Variants in ZNF383 observed in about 807,000 individuals in gnomAD.
ZNF383 encodes zinc finger protein 383.
In ZNF383, 32 loss-of-function variants were observed where a neutral mutation model predicts 44.2. The ratio of observed to expected loss-of-function variants is 0.72; its 90% CI spans 0.55 to 0.97. ZNF383 has a LOEUF of 0.97. ZNF383 is among the 50% of genes least tolerant of loss of function. The probability of loss-of-function intolerance (pLI) is 0.00; values close to 1 mark genes in which losing one functional copy is unlikely to be tolerated. For synonymous variants in ZNF383, 155 were observed against 186.2 expected, an observed-to-expected ratio of 0.83 and a Z score of 1.36; for missense variants, 487 against 562.5, an observed-to-expected ratio of 0.87 and a Z score of 1.36.
At chr19:37,228,967 T>C (rs1364669084) in intron 2 of ZNF383, among the ~76,000 whole-genome samples, 1 of 152,124 alleles carries the variant, frequency 6.6e-6, no homozygotes. Flanking sequence ...TTCAACTGAC[T>C]GATAGCTGTT....
chr19:37,221,966 A>AG (rs1200791412), intron 1 of ZNF383, among the ~76,000 whole-genome samples: 2 of 151,244 alleles, frequency 1.3e-5, no homozygotes, highest in Non-Finnish European at 2.9e-5. Flanking sequence ...AAAAAAAAAA[A>AG]AAAAAAAGAA....
intron 1 of ZNF383, among the ~76,000 whole-genome samples, chr19:37,218,817 A>G (rs1194331383): frequency 6.6e-6 from 1 of 151,896 alleles, no homozygotes; most frequent in Non-Finnish European, 1.5e-5. Context: ...TGCCGGGGTG[A>G]TATGTGTGTC....
At chr19:37,236,241 C>T (rs1462428964) in intron 5 of ZNF383, among the ~76,000 whole-genome samples, 167 bp downstream of exon 5, 2 of 151,854 alleles carry the variant, frequency 1.3e-5, no homozygotes, top group East Asian at 3.9e-4. Flanking sequence ...ACCTGTTTCG[C>T]CCTTTTCCTC....
In ZNF383 at chr19:37,242,746, TG is replaced by T; in HGVS notation, c.511del (p.Glu171AsnfsTer47). ...TAATTAATAATGAAGACAGACCCTA[TG>T]AATGTAAGAAATGTGGAAAGGCCTT... The part of the protein sequence containing the change: ...QIINNEDRPY[E>X]CKKCGKAFSQ... On this transcript the variant is annotated frameshift_variant, in exon 6 of 6. Coordinates refer to ENST00000684119, the MANE Select transcript of ZNF383 (RefSeq NM_001387601.1). LOFTEE classifies it high-confidence loss of function. 6.2e-7 allele frequency: 1 copy of T among 1,614,140 alleles called. No homozygotes were observed. The highest frequency in any genetic ancestry group is 2.2e-5 in the East Asian group (1 of 44,868).
intron 5 of ZNF383, among the ~76,000 whole-genome samples, chr19:37,242,046 G>GTATAT (rs1568532073): frequency 3.0e-5 from 1 of 33,864 alleles, no homozygotes; most frequent in Non-Finnish European, 6.8e-5. Flanking sequence ...ATATAGTATA[G>GTATAT]ATACTATATA....
At chr19:37,220,700 G>A (rs922763827) in intron 1 of ZNF383, among the ~76,000 whole-genome samples, 2 of 151,958 alleles carry the variant, frequency 1.3e-5, no homozygotes, top group Non-Finnish European at 2.9e-5. Flanking sequence ...AGAAAAGCCC[G>A]CTAGTCCTTT....
Position 37,230,427 on chromosome 19 carries a change from G to C in ZNF383, c.-27G>C. On this transcript the variant is annotated 5_prime_UTR_variant, in exon 3 of 6. Coordinates refer to ENST00000684119, the MANE Select transcript of ZNF383 (RefSeq NM_001387601.1). ...TTTTCAGGAGAACGGCCTCAAGGAA[G>C]ACTAACCATCTGCAATACTAGAAGC... 3 of 1,612,396 alleles carry C rather than the reference G, an allele frequency of 1.9e-6. No individual in the cohort carries two copies. Among genetic ancestry groups the C allele is most frequent in the South Asian group, 2.2e-5 (2 of 90,876 alleles).
At position 37,245,538 on chromosome 19, in the gene ZNF383, A is replaced by G. The variant is rs1974337014; in HGVS notation, c.*1874A>G. 6.6e-6 allele frequency: 1 copy of G among 151,226 alleles called. No homozygotes were observed. Among genetic ancestry groups the G allele is most frequent in the Non-Finnish European group, 1.5e-5 (1 of 67,870 alleles). 9.4% of individuals were successfully genotyped at this position (151,226 alleles called of 1,614,324 possible). On this transcript the variant is annotated 3_prime_UTR_variant, in exon 6 of 6. Transcript: ENST00000684119. ...TGCCCAGGCTGAAGTGCAGTGGCACAATCTCAGTTCACCACAACTGCTGCC... is the reference window on the plus strand; with the variant it reads ...TGCCCAGGCTGAAGTGCAGTGGCACGATCTCAGTTCACCACAACTGCTGCC...
chr19:37,240,347 C>T (rs1452655848), intron 5 of ZNF383, among the ~76,000 whole-genome samples: 1 of 152,066 alleles, frequency 6.6e-6, no homozygotes, highest in Non-Finnish European at 1.5e-5. Context: ...CACTTTACTC[C>T]AAAACATGTA....
At position 37,248,096 on chromosome 19, in the gene ZNF383, A is replaced by G. The variant is rs914341543; in HGVS notation, c.*4432A>G. The G allele has an allele frequency of 6.6e-6, 1 of 152,260 alleles. No homozygotes were observed. The highest frequency in any genetic ancestry group is 2.4e-5 in the African/African-American group (1 of 41,460). 9.4% of individuals were successfully genotyped at this position (152,260 alleles called of 1,614,324 possible). A position where few individuals can be genotyped will look rare whatever the true frequency, so the allele number is the denominator to read the frequency against. On this transcript the variant is annotated 3_prime_UTR_variant, in exon 6 of 6. Coordinates refer to ENST00000684119, the MANE Select transcript of ZNF383 (RefSeq NM_001387601.1). The stretch of plus-strand genomic sequence containing the variant: ...GATTGCGGTGAGCGGGGATCATGCC[A>G]TTGCACTCCAGCCTGGGCAACAAGA...
chr19:37,233,568 T>A lies in ZNF383; in HGVS notation c.10-1981T>A, dbSNP rs548184424. The stretch of plus-strand genomic sequence containing the variant: ...TCTCAGACTCCCGAGTAGCTGGGAC[T>A]ACAGGCGCACACCACCACAACTGGC... On this transcript the variant is annotated intron_variant, in intron 3 of 5. Transcript: ENST00000684119. 2.0e-5 allele frequency among the ~76,000 whole-genome samples: 3 copies of A among 152,006 alleles called. No individual in the cohort carries two copies. In the East Asian group the frequency reaches 5.8e-4, roughly 30 times the overall value.
intron 5 of ZNF383, among the ~76,000 whole-genome samples, chr19:37,237,982 C>A (rs138365421): frequency 6.6e-6 from 1 of 151,968 alleles, no homozygotes; most frequent in Non-Finnish European, 1.5e-5. Context: ...CCCACCTCAG[C>A]CTCCCGAGTA....
intron 1 of ZNF383, chr19:37,219,861 T>C (rs1210840451): frequency 6.6e-6 from 1 of 152,204 alleles, no homozygotes; most frequent in African/African-American, 2.4e-5. Flanking sequence ...TGAGAAGCCT[T>C]GGAGTGGACT....
At chr19:37,242,045 A>G (rs1417559877) in intron 5 of ZNF383, among the ~76,000 whole-genome samples, 1 of 131,446 alleles carries the variant, frequency 7.6e-6, no homozygotes, top group Admixed American at 7.8e-5. Context: ...TATATAGTAT[A>G]GATACTATAT....
rs369628904 is a variant in ZNF383 at position 37,242,479 on chromosome 19, G to A, written c.243G>A (p.Ser81=). 25 of 1,574,164 alleles carry A rather than the reference G, an allele frequency of 1.6e-5. No individual in the cohort carries two copies. The African/African-American group carries it at 2.0e-4, about 13-fold the overall frequency. Residue 81 remains serine, a synonymous_variant, in exon 6 of 6, where the codon TCG becomes TCA. Coordinates refer to ENST00000684119, the MANE Select transcript of ZNF383 (RefSeq NM_001387601.1). The part of the protein sequence containing the change: ...LTRGLCSDLE[S]MCETKLLSLK... ...TTTATTTTCTTTCAGATCTGGAATC[G>A]ATGTGTGAAACCAAGTTATTATCTC...
intron 2 of ZNF383, among the ~76,000 whole-genome samples, chr19:37,228,328 A>G (rs1055413104): frequency 2.0e-5 from 3 of 151,822 alleles, no homozygotes; most frequent in African/African-American, 7.3e-5. Context: ...TTTAGTTTCT[A>G]TCTCTGTATG....
Position 37,243,689 on chromosome 19 carries a change from T to C in ZNF383, c.*25T>C. On this transcript the variant is annotated 3_prime_UTR_variant, in exon 6 of 6. Transcript: ENST00000684119. ...ATAAAAATTAAAGCCCCTGTCACCT[T>C]CCTCATATTTTAAACCAAAAATCAT... The C allele has an allele frequency of 6.9e-7, 1 of 1,439,018 alleles. No individual in the cohort carries two copies. The highest frequency in any genetic ancestry group is 9.3e-7 in the Non-Finnish European group (1 of 1,078,172). 89.1% of individuals were successfully genotyped at this position (1,439,018 alleles called of 1,614,324 possible).
rs535180771 is a variant in ZNF383, at chr19:37,221,265, T to C, written c.-168+2991T>C. ...TAATGAATCTGCTGATACCATGATATATCATGTTGTTTTAAAAGTATAACA... is the reference window on the plus strand; with the variant it reads ...TAATGAATCTGCTGATACCATGATACATCATGTTGTTTTAAAAGTATAACA... On this transcript the variant is annotated intron_variant, in intron 1 of 5. Transcript: ENST00000684119. 5.3e-5 allele frequency among the ~76,000 whole-genome samples: 8 copies of C among 152,212 alleles called. 1 individual carries two copies. Among genetic ancestry groups the C allele is most frequent in the Non-Finnish European group, 1.2e-4 (8 of 68,028 alleles).
At chr19:37,232,436 G>A (rs1165082088) in intron 3 of ZNF383, among the ~76,000 whole-genome samples, 13 of 151,386 alleles carry the variant, frequency 8.6e-5, no homozygotes, top group Non-Finnish European at 1.9e-4. Context: ...ATCTTATTTT[G>A]GTTTTATACC....
Sources: gnomAD v4.1 joint callset for allele counts (sites outside exome capture counted in the v4.1 genomes callset) on GRCh38, gnomAD v4.1.1 for gene constraint, MANE v1.5 for transcripts, NCBI Gene and HGNC (gene_info 2026-07-23, HGNC 2026-07-21) for gene names.